CCDC13: variants seen among roughly 807,000 people sequenced by gnomAD.
CCDC13 encodes the protein coiled-coil domain-containing protein 13.
A neutral mutation model predicts 87.3 loss-of-function variants in CCDC13; 70 were observed. The ratio of observed to expected loss-of-function variants is 0.80; its 90% confidence interval spans 0.66 to 0.98. CCDC13 has a LOEUF of 0.98. Among genes scored for constraint, CCDC13 ranks in the 50% least tolerant of loss-of-function variants. The probability of loss-of-function intolerance (pLI) is 0.00; values close to 1 mark genes in which losing one functional copy is unlikely to be tolerated. For synonymous variants in CCDC13, 317 were observed against 360.3 expected (o/e 0.88, Z 1.36); for missense variants, 842 against 892.0 (o/e 0.94, Z 0.71).
At chr3:42,735,595 C>G (rs774110929) in intron 10 of CCDC13, 112 bp downstream of exon 10, 1 of 1,133,138 alleles carries the variant, frequency 8.8e-7, no homozygotes, top group Non-Finnish European at 1.3e-6. Flanking sequence ...CAAAGTGGAG[C>G]CAGGAAGGAT....
intron 1 of CCDC13, among the ~76,000 whole-genome samples, chr3:42,772,267 C>CAAAAAAAAAAAAAAAAAAAAAAGAA (rs1559669673): frequency 5.3e-5 from 6 of 113,866 alleles, no homozygotes; most frequent in African/African-American, 6.8e-5. Flanking sequence ...GAGACTCCGT[C>CAAAAAAAAAAAAAAAAAAAAAAGAA]AAAAAAAAAA....
At chr3:42,746,400 C>T (rs1699395088) in intron 6 of CCDC13, 2 of 227,366 alleles carry the variant, frequency 8.8e-6, no homozygotes, top group South Asian at 7.7e-5. Context: ...ATAGGAAGTA[C>T]ATCACCACAG....
chr3:42,721,965 C>T (rs1698573879), intron 13 of CCDC13, among the ~76,000 whole-genome samples: 1 of 152,166 alleles, frequency 6.6e-6, no homozygotes, highest in South Asian at 2.1e-4. Context: ...GCTAGCAACC[C>T]CATATCAGCT....
chr3:42,710,662 G>A (rs545996595), intron 14 of CCDC13, among the ~76,000 whole-genome samples: 9 of 151,962 alleles, frequency 5.9e-5, no homozygotes, highest in Non-Finnish European at 1.0e-4. Context: ...GTGAAACCCT[G>A]TCTCTACTAA....
chr3:42,708,658 C>A lies in CCDC13; in HGVS notation c.*322G>T. On this transcript the variant is annotated 3_prime_UTR_variant, in exon 16 of 16. Transcript: ENST00000310232. The stretch of plus-strand genomic sequence containing the variant: ...GTACCTAGGATGAGGGCGATGAACA[C>A]CTGCCCGAGGGACTGCATCTGTCCA... 4.1e-6 allele frequency: 1 copy of A among 243,032 alleles called. No individual in the cohort carries two copies. The allele number at this position is 243,032 out of a possible 1,614,324, so 15.1% of individuals were successfully genotyped here. A position where few individuals can be genotyped will look rare whatever the true frequency, so the allele number is the denominator to read the frequency against.
Position 42,730,600 on chromosome 3 carries a change from G to A in CCDC13, c.1596-11C>T, listed in dbSNP as rs760294365. On this transcript the variant is annotated splice_polypyrimidine_tract_variant and intron_variant, in intron 12 of 15. Transcript: ENST00000310232. ...GGGGAGTCCGAGAACCTGGGACCAG[G>A]GTGGAGGGCAGAGGGCAGAGGTCAT... is the stretch of plus-strand genomic sequence containing the variant. 3.7e-6 allele frequency: 6 copies of A among 1,613,562 alleles called. No homozygotes were observed. The African/African-American group carries it at 6.7e-5, about 18-fold the overall frequency.
intron 1 of CCDC13, among the ~76,000 whole-genome samples, chr3:42,762,706 C>T (rs1699859404): frequency 6.6e-6 from 1 of 152,190 alleles, no homozygotes; most frequent in Admixed American, 6.5e-5. Context: ...TGTCTCTTTG[C>T]TGATTTTGAC....
At chr3:42,757,545 C>A (rs1699732415) in intron 2 of CCDC13, among the ~76,000 whole-genome samples, 1 of 152,142 alleles carries the variant, frequency 6.6e-6, no homozygotes, top group African/African-American at 2.4e-5. Flanking sequence ...AAGACCCTGT[C>A]TCTAAAAATA....
chr3:42,744,513 T>C (rs188952403), intron 7 of CCDC13, among the ~76,000 whole-genome samples: 351 of 152,208 alleles, frequency 2.3e-3, no homozygotes, highest in Non-Finnish European at 3.6e-3. Flanking sequence ...CTTTAAGAAT[T>C]TGACATACAG....
At chr3:42,723,018 C>T (rs1042748534) in intron 13 of CCDC13, among the ~76,000 whole-genome samples, 6 of 152,010 alleles carry the variant, frequency 3.9e-5, no homozygotes, top group Admixed American at 2.6e-4. Flanking sequence ...AGGATGGTCT[C>T]GATCTCCTGA....
chr3:42,715,094 C>T (rs1206098960), intron 13 of CCDC13, among the ~76,000 whole-genome samples: 1 of 150,898 alleles, frequency 6.6e-6, no homozygotes, highest in African/African-American at 2.4e-5. Context: ...AAGTCTGAGA[C>T]CAGACCAGCC....
Position 42,747,239 on chromosome 3 carries a change from G to C in CCDC13, c.720+18C>G, listed in dbSNP as rs1699433438. ...GCCCCAGCCACACAAGAAGCCCCAA[G>C]CCCTGGCTCTGAAAGACCTTCTGTG... On this transcript the variant is annotated intron_variant, in intron 6 of 15. Coordinates refer to ENST00000310232, the MANE Select transcript of CCDC13 (RefSeq NM_144719.4). The C allele has an allele frequency of 1.3e-6, 2 of 1,591,910 alleles. No individual in the cohort carries two copies. The highest frequency in any genetic ancestry group is 1.3e-5 in the African/African-American group (1 of 74,616).
At chr3:42,736,098 G>A (rs771765840) in intron 9 of CCDC13, among the ~76,000 whole-genome samples, 185 bp from the exon 10 acceptor site, 1 of 152,244 alleles carries the variant, frequency 6.6e-6, no homozygotes, top group Non-Finnish European at 1.5e-5. Flanking sequence ...AGGCAGGTGG[G>A]GACCATGTTC....
At chr3:42,767,119 C>T (rs888164820) in intron 1 of CCDC13, among the ~76,000 whole-genome samples, 3 of 151,624 alleles carry the variant, frequency 2.0e-5, no homozygotes, top group Admixed American at 6.6e-5. Flanking sequence ...ATAAAATTGC[C>T]TTGGTTGCAG....
At chr3:42,709,905 C>T (rs955841200) in intron 14 of CCDC13, 107 bp from the exon 15 acceptor site, 33 of 842,148 alleles carry the variant, frequency 3.9e-5, no homozygotes, top group South Asian at 3.2e-4. Flanking sequence ...CATGGTGAAA[C>T]GCTACACCGC....
chr3:42,769,723 C>T (rs559721203), intron 1 of CCDC13, among the ~76,000 whole-genome samples: 9 of 152,312 alleles, frequency 5.9e-5, no homozygotes, highest in Admixed American at 3.9e-4. Flanking sequence ...TGAGAGGTGC[C>T]GGTGAGAACT....
At chr3:42,715,345 C>T (rs969308309) in intron 13 of CCDC13, among the ~76,000 whole-genome samples, 6 of 150,764 alleles carry the variant, frequency 4.0e-5, no homozygotes, top group African/African-American at 1.5e-4. Context: ...AGGCCACGCA[C>T]GATGGCTCAC....
chr3:42,745,191 T>C (rs1699359554), intron 7 of CCDC13: 1 of 152,258 alleles, frequency 6.6e-6, no homozygotes, highest in African/African-American at 2.4e-5. Flanking sequence ...GTGGAAGTCA[T>C]ACACCTTCTC....
chr3:42,749,301 G>A (rs189495965), intron 5 of CCDC13, among the ~76,000 whole-genome samples: 2 of 152,324 alleles, frequency 1.3e-5, no homozygotes, highest in Non-Finnish European at 2.9e-5. Context: ...GGGAGTACAT[G>A]TGCTTCCATA....
Sources: gnomAD v4.1 joint callset for allele counts (sites outside exome capture counted in the v4.1 genomes callset) on GRCh38, gnomAD v4.1.1 for gene constraint, MANE v1.5 for transcripts, NCBI Gene and HGNC (gene_info 2026-07-23, HGNC 2026-07-21) for gene names.